LRP8: variants seen among roughly 807,000 people sequenced by gnomAD.
LRP8 encodes the protein LDL receptor related protein 8.
Under a neutral mutation model 111.6 loss-of-function variants are expected in LRP8, and 46 were observed. The observed-to-expected ratio is 0.41, with a 90% CI of 0.33 to 0.53. LRP8 has a LOEUF of 0.53. Ranked by LOEUF, LRP8 falls within the 20% of genes least tolerant of loss-of-function variation. The pLI is 0.20. For synonymous variants in LRP8, 464 were observed against 511.2 expected (o/e 0.91, Z 1.24); for missense variants, 959 against 1,297.4 (o/e 0.74, Z 4.01).
intron 2 of LRP8, among the ~76,000 whole-genome samples, chr1:53,313,095 G>T (rs1367091978): frequency 6.6e-6 from 1 of 152,168 alleles, no homozygotes; most frequent in Non-Finnish European, 1.5e-5. Flanking sequence ...ATGTACCCAA[G>T]GTAACAGGGA....
chr1:53,255,415 G>A (rs940997935), intron 15 of LRP8, among the ~76,000 whole-genome samples: 4 of 152,166 alleles, frequency 2.6e-5, no homozygotes, highest in African/African-American at 9.7e-5. Flanking sequence ...CTTAACTGAG[G>A]GGTTTCAGAA....
chr1:53,303,909 C>T lies in LRP8; in HGVS notation c.245-14220G>A, dbSNP rs905819509. Among the ~76,000 whole-genome samples the T allele has an allele frequency of 1.3e-5, 2 of 152,124 alleles. No individual in the cohort carries two copies. The highest frequency in any genetic ancestry group is 4.8e-5 in the African/African-American group (2 of 41,424). On this transcript the variant is annotated intron_variant, in intron 2 of 18. Transcript: ENST00000306052. The surrounding 1 kb of genome is among the most constrained non-coding windows in gnomAD (Gnocchi z 4.3). ...AACGGGGAGGGAAATAAGCTCTCAA[C>T]AGGAGATCCCCACTTTGTACAAATG...
intron 2 of LRP8, among the ~76,000 whole-genome samples, chr1:53,300,634 G>A (rs994629207): frequency 3.9e-5 from 6 of 152,226 alleles, no homozygotes; most frequent in Non-Finnish European, 7.3e-5. Context: ...AGGCTCAGAA[G>A]TCATCCCAGC....
At chr1:53,253,993 C>T (rs894729802) in intron 16 of LRP8, among the ~76,000 whole-genome samples, 2 of 152,148 alleles carry the variant, frequency 1.3e-5, no homozygotes, top group African/African-American at 2.4e-5. Context: ...GCACTTGGCA[C>T]AGTCAGTGTC....
intron 2 of LRP8, among the ~76,000 whole-genome samples, chr1:53,314,677 G>T (rs947536932): frequency 6.6e-6 from 1 of 152,172 alleles, no homozygotes; most frequent in African/African-American, 2.4e-5. Flanking sequence ...GTCAGTGGGT[G>T]AGCGCCCAGT....
chr1:53,295,245 G>A (rs2100478843), intron 2 of LRP8, among the ~76,000 whole-genome samples: 1 of 152,336 alleles, frequency 6.6e-6, no homozygotes, highest in East Asian at 1.9e-4. Context: ...TGGGAGTGAA[G>A]AGAGCAGGGA....
chr1:53,247,156 G>A (rs1572408812), intron 18 of LRP8, 100 bp from the exon 19 acceptor site: 2 of 848,922 alleles, frequency 2.4e-6, no homozygotes, highest in African/African-American at 3.4e-5. Flanking sequence ...ACAGGTATTA[G>A]CTCACATAAT....
In LRP8 at chr1:53,264,235, C is replaced by T. The variant is rs77068558; in HGVS notation, c.1589G>A (p.Arg530His). ...GTTACGGCTGAAGAGAGTGCGTCGG[C>T]GGCCACCATCAACTGTGGCCACTGA... is the stretch of plus-strand genomic sequence containing the variant. ...TISVATVDGG[R>H]RRTLFSRNLS... The change falls in exon 10 of 19, where the codon CGC (arginine) becomes CAC (histidine). Residue 530 changes from arginine (R) to histidine (H), a missense_variant. Arg to His is a conservative substitution (Grantham distance 29). Around this residue, in one of 3 missense-constraint regions of LRP8, gnomAD observed 819 missense variants for 1,097.6 expected, o/e 0.75. Coordinates refer to ENST00000306052, the MANE Select transcript of LRP8 (RefSeq NM_004631.5). The T allele has an allele frequency of 6.2e-6, 10 of 1,614,082 alleles. No individual in the cohort carries two copies. Among genetic ancestry groups the T allele is most frequent in the East Asian group, 4.5e-5 (2 of 44,884 alleles).
At chr1:53,301,628 G>A (rs1467584874) in intron 2 of LRP8, among the ~76,000 whole-genome samples, 1 of 152,030 alleles carries the variant, frequency 6.6e-6, no homozygotes, top group Non-Finnish European at 1.5e-5. Flanking sequence ...CTACTTGGGA[G>A]GCTGGGGTGG....
intron 14 of LRP8, 129 bp from the exon 15 acceptor site, chr1:53,257,593 A>T (rs1407933361): frequency 1.5e-5 from 10 of 684,082 alleles, no homozygotes; most frequent in Admixed American, 2.4e-5. Flanking sequence ...AGCCTTTCCT[A>T]ATCTCCCCAG....
chr1:53,260,525 C>T lies in LRP8; in HGVS notation c.1995G>A (p.Leu665=). Residue 665 remains leucine (L), a synonymous_variant, in exon 13 of 19, where the codon CTG becomes CTA. Transcript: ENST00000306052. Reference sequence around the variant, plus strand: ...CATGTGGGTTGTTGAGGTTCTCAGCCAGGATGGAGATTTCCAGGCCATTGA... The same window carrying T: ...CATGTGGGTTGTTGAGGTTCTCAGCTAGGATGGAGATTTCCAGGCCATTGA... ...NRLNGLEISI[L]AENLNNPHDI... 4 of 1,614,182 alleles carry T rather than the reference C, an allele frequency of 2.5e-6. No individual in the cohort carries two copies. The highest frequency in any genetic ancestry group is 3.4e-6 in the Non-Finnish European group (4 of 1,180,030).
Position 53,292,660 on chromosome 1 carries a change from C to T in LRP8, c.245-2971G>A, listed in dbSNP as rs1649003310. On this transcript the variant is annotated intron_variant, in intron 2 of 18. Transcript: ENST00000306052. Reference sequence around the variant, plus strand: ...TCTCTTTTTCTCGTTCTAACACTCACTAGGTGCTTCCTCTGTGCCAGTCTC... The same window carrying T: ...TCTCTTTTTCTCGTTCTAACACTCATTAGGTGCTTCCTCTGTGCCAGTCTC... 5.3e-5 allele frequency among the ~76,000 whole-genome samples: 8 copies of T among 152,364 alleles called. No individual in the cohort carries two copies. The South Asian group carries it at 1.7e-3, about 32-fold the overall frequency.
Position 53,272,654 on chromosome 1 carries a change from A to G in LRP8, c.1007-1308T>C, listed in dbSNP as rs566455046. 5 of 1,289,488 alleles carry G rather than the reference A, an allele frequency of 3.9e-6. No individual in the cohort carries two copies. In the African/African-American group the frequency reaches 7.6e-5, roughly 20 times the overall value. 79.9% of individuals were successfully genotyped at this position (1,289,488 alleles called of 1,614,324 possible). A position where few individuals can be genotyped will look rare whatever the true frequency, so the allele number is the denominator to read the frequency against. On this transcript the variant is annotated intron_variant, in intron 6 of 18. Transcript: ENST00000306052. ...GAATGTTGGCGGAACTGAAAGAACA[A>G]GACCACAGCAACTCCATGACTGGGG...
intron 8 of LRP8, chr1:53,268,579 T>C: frequency 6.6e-6 from 1 of 152,204 alleles, no homozygotes; most frequent in East Asian, 1.9e-4. Context: ...AATTTATCTG[T>C]TGTATATTGT....
intron 12 of LRP8, among the ~76,000 whole-genome samples, chr1:53,261,061 C>T (rs1376346372): frequency 6.6e-6 from 1 of 152,166 alleles, no homozygotes; most frequent in Non-Finnish European, 1.5e-5. Flanking sequence ...GTCAGCAAAT[C>T]CACACGTACA....
At chr1:53,295,946 A>C (rs1649630801) in intron 2 of LRP8, among the ~76,000 whole-genome samples, 2 of 152,200 alleles carry the variant, frequency 1.3e-5, no homozygotes, top group African/African-American at 2.4e-5. Context: ...TTGACACAGC[A>C]GCCTGGTAGT....
In LRP8 at chr1:53,327,919, C is replaced by G. The variant is rs770760757; in HGVS notation, c.-7G>C. The stretch of plus-strand genomic sequence containing the variant: ...CCGGCTCGGGGAGGCCCATGGCGGG[C>G]CCGGGGCTCCGGCCGCCGCGCCCCG... On this transcript the variant is annotated 5_prime_UTR_variant, in exon 1 of 19. Transcript: ENST00000306052. 29 of 1,230,906 alleles carry G rather than the reference C, an allele frequency of 2.4e-5. No individual in the cohort carries two copies. The Middle Eastern group carries it at 1.9e-3, about 80-fold the overall frequency. 76.2% of individuals were successfully genotyped at this position (1,230,906 alleles called of 1,614,324 possible).
At chr1:53,321,873 G>A (rs907109832) in intron 2 of LRP8, among the ~76,000 whole-genome samples, 2 of 152,144 alleles carry the variant, frequency 1.3e-5, no homozygotes, top group African/African-American at 4.8e-5. Flanking sequence ...CCAGAGGGAA[G>A]CCATCCGCTG....
At chr1:53,287,034 A>T (rs752981870) in intron 3 of LRP8, among the ~76,000 whole-genome samples, 19 of 152,272 alleles carry the variant, frequency 1.2e-4, no homozygotes, top group Admixed American at 5.9e-4. Flanking sequence ...ACCTGAACCC[A>T]ACTATATCCA....
Sources: gnomAD v4.1 joint callset for allele counts (sites outside exome capture counted in the v4.1 genomes callset) on GRCh38, gnomAD v4.1.1 for gene constraint, gnomAD v4.1.1 regional missense constraint, Gnocchi (gnomAD v3.1) non-coding constraint, MANE v1.5 for transcripts, NCBI Gene and HGNC (gene_info 2026-07-23, HGNC 2026-07-21) for gene names.